The following MYO1G variants were observed in gnomAD, a reference collection of about 807,000 sequenced individuals.
The protein encoded by MYO1G is unconventional myosin-Ig.
MYO1G carries 65 observed loss-of-function variants against 115.3 expected under a neutral mutation model. That is an observed-to-expected ratio of 0.56 (90% CI 0.46 to 0.69). The LOEUF is 0.69. Among genes scored for constraint, MYO1G ranks in the 30% least tolerant of loss-of-function variants. MYO1G has a pLI of 0.00. For synonymous variants in MYO1G, 510 were observed against 552.6 expected, an observed-to-expected ratio of 0.92 and a Z score of 1.08; for missense variants, 1,204 against 1,393.5, an observed-to-expected ratio of 0.86 and a Z score of 2.16.
Position 44,969,838 on chromosome 7 carries a change from A to C in MYO1G, c.1370T>G (p.Val457Gly). 6.2e-7 allele frequency: 1 copy of C among 1,612,292 alleles called. No individual in the cohort carries two copies. Among genetic ancestry groups the C allele is most frequent in the Non-Finnish European group, 8.5e-7 (1 of 1,179,294 alleles). Reference sequence around the variant, plus strand: ...CAGGATGCCACGGTGGGGCCGCTCCACCAGATCCACAATGGTGGCGTTGTT... The same window carrying C: ...CAGGATGCCACGGTGGGGCCGCTCCCCCAGATCCACAATGGTGGCGTTGTT... ...YFNNATIVDL[V>G]ERPHRGILAV... The change falls in exon 11 of 22, where the codon GTG becomes GGG. Residue 457 changes from valine (V) to glycine (G), a missense_variant. Transcript: ENST00000258787. This position sits in a 1 kb window ranked among gnomAD's most constrained non-coding sequence, Gnocchi z 5.0.
chr7:44,972,308 C>G (rs1192644518), intron 5 of MYO1G, 83 bp from the exon 6 acceptor site: 3 of 1,004,316 alleles, frequency 3.0e-6, no homozygotes, highest in Non-Finnish European at 3.1e-6. Flanking sequence ...AACAAACAGA[C>G]TTGCGCTTCC....
At chr7:44,970,471 C>T (rs1794934270) in intron 9 of MYO1G, 121 bp downstream of exon 9, 5 of 1,363,174 alleles carry the variant, frequency 3.7e-6, no homozygotes, top group African/African-American at 1.4e-5. Flanking sequence ...GCCTTGGGCC[C>T]AGGGACCAGC....
At position 44,966,584 on chromosome 7, in the gene MYO1G, C is replaced by A; in HGVS notation, c.1949+88G>T. On this transcript the variant is annotated intron_variant, in intron 15 of 21. Coordinates refer to ENST00000258787, the MANE Select transcript of MYO1G (RefSeq NM_033054.3). This position sits in a 1 kb window ranked among gnomAD's most constrained non-coding sequence, Gnocchi z 5.0. ...TTCCTGCTTGTATCGATGTTTGCGA[C>A]GTGCTGTTTGGGGACCCTCTGCTCC... 6.6e-7 allele frequency: 1 copy of A among 1,509,306 alleles called. No homozygotes were observed. The highest frequency in any genetic ancestry group is 9.2e-7 in the Non-Finnish European group (1 of 1,089,724). The allele number at this position is 1,509,306 out of a possible 1,614,324, so 93.5% of individuals were successfully genotyped here. A position where few individuals can be genotyped will look rare whatever the true frequency, so the allele number is the denominator to read the frequency against.
In MYO1G at chr7:44,962,922, G is replaced by A. The variant is rs764986154; in HGVS notation, c.2901-27C>T. On this transcript the variant is annotated intron_variant, in intron 21 of 21. Transcript: ENST00000258787. This position sits in a 1 kb window ranked among gnomAD's most constrained non-coding sequence, Gnocchi z 5.3. ...TGCGGCAGGAGGAGGGGTCAGGGCG[G>A]CCACGCGGCCGGGGCTTCGTGCCCG... The A allele has an allele frequency of 8.0e-6, 12 of 1,499,486 alleles. No individual in the cohort carries two copies. The highest frequency in any genetic ancestry group is 2.9e-5 in the African/African-American group (2 of 69,064). The allele number at this position is 1,499,486 out of a possible 1,614,324, so 92.9% of individuals were successfully genotyped here.
Position 44,963,070 on chromosome 7 carries a change from G to C in MYO1G, c.2800C>G (p.Arg934Gly), listed in dbSNP as rs774701688. 4.6e-6 allele frequency: 7 copies of C among 1,521,232 alleles called. No individual in the cohort carries two copies. The highest frequency in any genetic ancestry group is 2.6e-5 in the East Asian group (1 of 39,114). 94.2% of individuals were successfully genotyped at this position (1,521,232 alleles called of 1,614,324 possible). Residue 934 changes from arginine (R) to glycine (G), a missense_variant, in exon 21 of 22, where the codon CGC becomes GGC. Coordinates refer to ENST00000258787, the MANE Select transcript of MYO1G (RefSeq NM_033054.3). The surrounding 1 kb of genome is among the most constrained non-coding windows in gnomAD (Gnocchi z 4.1). ...CACACCACGAGGTCGTCCTGGCCGC[G>C]GGCGTGCAGCACCACCAGCTGGTCT... is the stretch of plus-strand genomic sequence containing the variant. The part of the protein sequence containing the change: ...GGDQLVVLHA[R>G]GQDDLVVCLH...
intron 3 of MYO1G, 149 bp downstream of exon 3, chr7:44,976,415 C>T: frequency 2.7e-6 from 2 of 735,618 alleles, no homozygotes; most frequent in Middle Eastern, 2.9e-4. Context: ...GGTGTGTTGG[C>T]ATTATCTGGA....
At chr7:44,977,400 G>A (rs1190642622) in intron 1 of MYO1G, among the ~76,000 whole-genome samples, 1 of 152,232 alleles carries the variant, frequency 6.6e-6, no homozygotes, top group Non-Finnish European at 1.5e-5. Flanking sequence ...GGTGCCGTGA[G>A]TCAGGGCTGG....
Position 44,964,069 on chromosome 7 carries a change from G to A in MYO1G, c.2725C>T (p.Arg909Trp), listed in dbSNP as rs776197319. The part of the protein sequence containing the change: ...LDPDRQYRVM[R>W]AVPLEAVTGL... The stretch of plus-strand genomic sequence containing the variant: ...CTCACCGCCTCAAGGGGCACGGCCC[G>A]CATCACCCGGTACTGCCGGTCAGGG... Residue 909 changes from arginine (R) to tryptophan (W), a missense_variant, in exon 20 of 22, where the codon CGG becomes TGG. Transcript: ENST00000258787. This position sits in a 1 kb window ranked among gnomAD's most constrained non-coding sequence, Gnocchi z 5.1. 12 of 1,599,556 alleles carry A rather than the reference G, an allele frequency of 7.5e-6. No individual in the cohort carries two copies. Among genetic ancestry groups the A allele is most frequent in the East Asian group, 4.5e-5 (2 of 44,300 alleles).
chr7:44,963,139 G>C lies in MYO1G; in HGVS notation c.2746-15C>G. 7.0e-7 allele frequency: 1 copy of C among 1,433,752 alleles called. No homozygotes were observed. The highest frequency in any genetic ancestry group is 9.1e-7 in the Non-Finnish European group (1 of 1,097,658). 88.8% of individuals were successfully genotyped at this position (1,433,752 alleles called of 1,614,324 possible). ...AGCCCCGTCACCTGAGCGGAGCGCG[G>C]GGTCAGAGTGCAGCCGCCTCAACCC... On this transcript the variant is annotated splice_polypyrimidine_tract_variant and intron_variant, in intron 20 of 21. Transcript: ENST00000258787. This position sits in a 1 kb window ranked among gnomAD's most constrained non-coding sequence, Gnocchi z 4.1.
chr7:44,977,424 C>T (rs780406623), intron 1 of MYO1G, among the ~76,000 whole-genome samples: 1 of 152,060 alleles, frequency 6.6e-6, no homozygotes, highest in South Asian at 2.1e-4. Context: ...CTGGGGTGAA[C>T]CCCGCAGGGC....
rs1022110104 is a variant in MYO1G at position 44,966,356 on chromosome 7, C to T, written c.1950-76G>A. ...GGAGCCCACCCTGCCCACCCCACAC[C>T]TGGGGAGATGGCAGGGATACAGAGT... On this transcript the variant is annotated intron_variant, in intron 15 of 21. Coordinates refer to ENST00000258787, the MANE Select transcript of MYO1G (RefSeq NM_033054.3). The surrounding 1 kb of genome is among the most constrained non-coding windows in gnomAD (Gnocchi z 5.0). 11 of 1,300,020 alleles carry T rather than the reference C, an allele frequency of 8.5e-6. No individual in the cohort carries two copies. Among genetic ancestry groups the T allele is most frequent in the Non-Finnish European group, 1.1e-5 (10 of 930,308 alleles). The allele number at this position is 1,300,020 out of a possible 1,614,324, so 80.5% of individuals were successfully genotyped here. A position where few individuals can be genotyped will look rare whatever the true frequency, so the allele number is the denominator to read the frequency against.
Position 44,966,725 on chromosome 7 carries a change from C to A in MYO1G, c.1896G>T (p.Arg632Ser). Residue 632 changes from arginine to serine, a missense_variant, in exon 15 of 22, where the codon AGG becomes AGT. Arg to Ser is a moderately radical substitution (Grantham distance 110). Transcript: ENST00000258787. This position sits in a 1 kb window ranked among gnomAD's most constrained non-coding sequence, Gnocchi z 5.0. ...VAYLGLLENV[R>S]VRRAGFASRQ... ...GGGAAGCGAAGCCAGCCCTGCGGAC[C>A]CTCACATTCTCCAGCAGCCCCAGGT... 5.0e-6 allele frequency: 8 copies of A among 1,613,320 alleles called. No individual in the cohort carries two copies. Among genetic ancestry groups the A allele is most frequent in the Middle Eastern group, 1.6e-4 (1 of 6,062 alleles).
Position 44,963,053 on chromosome 7 carries a change from G to C in MYO1G, c.2817C>G (p.Leu939=). 1.3e-6 allele frequency: 2 copies of C among 1,525,518 alleles called. No individual in the cohort carries two copies. The highest frequency in any genetic ancestry group is 1.8e-6 in the Non-Finnish European group (2 of 1,141,534). 94.5% of individuals were successfully genotyped at this position (1,525,518 alleles called of 1,614,324 possible). A position where few individuals can be genotyped will look rare whatever the true frequency, so the allele number is the denominator to read the frequency against. ...GCCGGGAGCGGTGCAGGCACACCAC[G>C]AGGTCGTCCTGGCCGCGGGCGTGCA... ...VVLHARGQDD[L]VVCLHRSRPP... Residue 939 remains leucine (L), a synonymous_variant, in exon 21 of 22, where the codon CTC becomes CTG. Transcript: ENST00000258787. This position sits in a 1 kb window ranked among gnomAD's most constrained non-coding sequence, Gnocchi z 4.1.
At chr7:44,972,477 C>T in intron 5 of MYO1G, 1 of 475,772 alleles carries the variant, frequency 2.1e-6, no homozygotes, top group Non-Finnish European at 3.9e-6. Context: ...TGCCAGACCT[C>T]ATCTTGGTAG....
intron 9 of MYO1G, 42 bp downstream of exon 9, chr7:44,970,550 G>T (rs1583790489): frequency 3.7e-6 from 6 of 1,611,154 alleles, no homozygotes; most frequent in Non-Finnish European, 5.1e-6. Context: ...GGGCAAAGCT[G>T]CTGGGTGTCA....
chr7:44,971,594 C>A (rs1794958574), intron 7 of MYO1G, 79 bp downstream of exon 7: 1 of 1,048,946 alleles, frequency 9.5e-7, no homozygotes, highest in African/African-American at 1.6e-5. Flanking sequence ...CAGCCAGTCT[C>A]CTCCTCATCC....
At position 44,976,917 on chromosome 7, in the gene MYO1G, C is replaced by T. The variant is rs769101475; in HGVS notation, c.250G>A (p.Ala84Thr). 41 of 1,613,442 alleles carry T rather than the reference C, an allele frequency of 2.5e-5. No individual in the cohort carries two copies. Among genetic ancestry groups the T allele is most frequent in the Admixed American group, 1.5e-4 (9 of 60,008 alleles). The change falls in exon 2 of 22, where the codon GCC becomes ACC. Residue 84 changes from alanine to threonine, a missense_variant. Transcript: ENST00000258787. ...CGGTGCTTCATTGCCTTGTAGGCGGCGTTGGCCACAGCATAGAGATGGGGT... is the reference window on the plus strand; with the variant it reads ...CGGTGCTTCATTGCCTTGTAGGCGGTGTTGGCCACAGCATAGAGATGGGGT... ...RPPHLYAVAN[A>T]AYKAMKHRSR...
At chr7:44,968,245 C>A (rs1307563251) in intron 12 of MYO1G, among the ~76,000 whole-genome samples, 1 of 152,208 alleles carries the variant, frequency 6.6e-6, no homozygotes, top group African/African-American at 2.4e-5. Flanking sequence ...CTGCTTCTAC[C>A]ACATGCATGC....
Position 44,962,901 on chromosome 7 carries a change from G to C in MYO1G, c.2901-6C>G. On this transcript the variant is annotated splice_region_variant and splice_polypyrimidine_tract_variant and intron_variant, in intron 21 of 21. Transcript: ENST00000258787. This position sits in a 1 kb window ranked among gnomAD's most constrained non-coding sequence, Gnocchi z 5.3. Reference sequence around the variant, plus strand: ...CCTCCAGGGTGCGGCCCTCCCTGCGGCAGGAGGAGGGGTCAGGGCGGCCAC... The same window carrying C: ...CCTCCAGGGTGCGGCCCTCCCTGCGCCAGGAGGAGGGGTCAGGGCGGCCAC... 6.7e-7 allele frequency: 1 copy of C among 1,489,300 alleles called. No individual in the cohort carries two copies. Among genetic ancestry groups the C allele is most frequent in the South Asian group, 1.3e-5 (1 of 76,576 alleles). The allele number at this position is 1,489,300 out of a possible 1,614,324, so 92.3% of individuals were successfully genotyped here.
Sources: allele counts gnomAD v4.1 joint callset (sites outside exome capture counted in the v4.1 genomes callset), GRCh38; gene constraint gnomAD v4.1.1; non-coding constraint Gnocchi (gnomAD v3.1); transcripts MANE v1.5; gene names NCBI Gene and HGNC (gene_info 2026-07-23, HGNC 2026-07-21).